DOCK3: variants seen among roughly 807,000 people sequenced by gnomAD.
The protein encoded by DOCK3 is dedicator of cytokinesis protein 3.
In DOCK3, 60 loss-of-function variants were observed where a neutral mutation model predicts 265.6. The ratio of observed to expected loss-of-function variants is 0.23; its 90% confidence interval spans 0.18 to 0.28. The LOEUF (loss-of-function observed/expected upper bound fraction) is 0.28. Among genes scored for constraint, DOCK3 ranks in the 10% least tolerant of loss-of-function variants. The probability of loss-of-function intolerance (pLI) is 1.00; values close to 1 mark genes in which losing one functional copy is unlikely to be tolerated. For synonymous variants in DOCK3, 881 were observed against 938.0 expected, an observed-to-expected ratio of 0.94 and a Z score of 1.11; for missense variants, 1,981 against 2,594.3, an observed-to-expected ratio of 0.76 and a Z score of 5.14.
intron 5 of DOCK3, among the ~76,000 whole-genome samples, chr3:51,044,496 G>T (rs902029039): frequency 6.6e-6 from 1 of 151,712 alleles, no homozygotes; most frequent in Non-Finnish European, 1.5e-5. Flanking sequence ...CTTAATACTT[G>T]GGTGATGAAA....
chr3:50,782,289 A>ATTTTTTTTTTTTTTT (rs71084112), intron 2 of DOCK3, among the ~76,000 whole-genome samples: 1 of 110,044 alleles, frequency 9.1e-6, no homozygotes, highest in Non-Finnish European at 1.7e-5. Flanking sequence ...AGTACCTGTT[A>ATTTTTTTTTTTTTTT]TTTTTTTTTT....
At chr3:51,203,385 G>A (rs1317720106) in intron 12 of DOCK3, among the ~76,000 whole-genome samples, 2 of 152,156 alleles carry the variant, frequency 1.3e-5, no homozygotes, top group African/African-American at 4.8e-5. Context: ...CAGACAGAGA[G>A]CCAAATCATG....
chr3:51,328,281 C>T (rs1206079028), intron 32 of DOCK3, among the ~76,000 whole-genome samples: 3 of 152,152 alleles, frequency 2.0e-5, no homozygotes, highest in African/African-American at 7.2e-5. Flanking sequence ...GTTCTGAAGG[C>T]ACAATCTACC....
chr3:50,898,949 T>A (rs544597384), intron 4 of DOCK3, among the ~76,000 whole-genome samples: 87 of 152,216 alleles, frequency 5.7e-4, no homozygotes, highest in Non-Finnish European at 1.1e-3. Flanking sequence ...GGAATGTATA[T>A]TCTGTTGATT....
chr3:51,174,420 G>T (rs2086839985), intron 12 of DOCK3, among the ~76,000 whole-genome samples: 1 of 152,220 alleles, frequency 6.6e-6, no homozygotes, highest in Admixed American at 6.5e-5. Flanking sequence ...AGTGAGCTGA[G>T]ATCATGCCAC....
At chr3:51,173,468 T>G (rs906534794) in intron 12 of DOCK3, among the ~76,000 whole-genome samples, 2 of 152,242 alleles carry the variant, frequency 1.3e-5, no homozygotes, top group African/African-American at 4.8e-5. Context: ...TTAGTGTTCT[T>G]GTATTTCAGC....
chr3:50,915,957 A>G (rs1199120427), intron 4 of DOCK3, among the ~76,000 whole-genome samples: 1 of 151,932 alleles, frequency 6.6e-6, no homozygotes, highest in Non-Finnish European at 1.5e-5. Flanking sequence ...ATATCCAGCC[A>G]TAGATTTGGG....
chr3:50,788,748 T>C (rs1364432049), intron 2 of DOCK3, among the ~76,000 whole-genome samples: 1 of 133,110 alleles, frequency 7.5e-6, no homozygotes, highest in South Asian at 2.8e-4. Context: ...TCCTTCTGAG[T>C]GCCTGAGGGC....
At chr3:51,135,128 A>G (rs979839401) in intron 9 of DOCK3, among the ~76,000 whole-genome samples, 1 of 152,160 alleles carries the variant, frequency 6.6e-6, no homozygotes, top group African/African-American at 2.4e-5. Context: ...TTTTCTGTTC[A>G]CGTATGTGTT....
intron 4 of DOCK3, among the ~76,000 whole-genome samples, chr3:50,926,247 A>T (rs1324600199): frequency 6.6e-6 from 1 of 152,164 alleles, no homozygotes. Context: ...ACCAATTTTT[A>T]TATATCCATT....
At chr3:51,244,614 A>G (rs1278370358) in intron 21 of DOCK3, among the ~76,000 whole-genome samples, 1 of 152,214 alleles carries the variant, frequency 6.6e-6, no homozygotes, top group East Asian at 1.9e-4. Flanking sequence ...ATATAAGATT[A>G]TATCATTTGA....
At position 50,787,893 on chromosome 3, in the gene DOCK3, T is replaced by G. The variant is rs1192522964; in HGVS notation, c.121+9135T>G. The G allele has an allele frequency of 5.7e-6, 6 of 1,061,108 alleles. No individual in the cohort carries two copies. In the African/African-American group the frequency reaches 9.3e-5, roughly 16 times the overall value. 65.7% of individuals were successfully genotyped at this position (1,061,108 alleles called of 1,614,324 possible). A position where few individuals can be genotyped will look rare whatever the true frequency, so the allele number is the denominator to read the frequency against. On this transcript the variant is annotated intron_variant, in intron 2 of 52. Coordinates refer to ENST00000266037, the MANE Select transcript of DOCK3 (RefSeq NM_004947.5). ...GTACCCTTTTCCCCTTTAGGTACAT[T>G]TAATGTTTGATTATTAAGGTTTACC...
chr3:50,856,625 T>C (rs1302887239), intron 3 of DOCK3, among the ~76,000 whole-genome samples: 1 of 152,192 alleles, frequency 6.6e-6, no homozygotes, highest in African/African-American at 2.4e-5. Context: ...AAAAATTCTG[T>C]AGGTTGTCTG....
chr3:50,830,689 G>A (rs17051468), intron 2 of DOCK3, among the ~76,000 whole-genome samples: 10,902 of 152,168 alleles, frequency 0.072, 978 homozygotes, highest in East Asian at 0.33. Flanking sequence ...CAGCTTCTCT[G>A]TCAGTACCAA....
intron 5 of DOCK3, among the ~76,000 whole-genome samples, chr3:50,971,887 G>A (rs533255206): frequency 6.6e-6 from 1 of 152,288 alleles, no homozygotes; most frequent in Admixed American, 6.5e-5. Flanking sequence ...ACTGGCAAGG[G>A]GAGCTCCTGG....
intron 2 of DOCK3, among the ~76,000 whole-genome samples, chr3:50,786,416 G>T (rs967172285): frequency 1.1e-4 from 17 of 152,130 alleles, no homozygotes; most frequent in African/African-American, 4.1e-4. Context: ...TATTTCCTTA[G>T]ATCTGTTGTT....
intron 1 of DOCK3, among the ~76,000 whole-genome samples, chr3:50,739,034 G>A (rs1187600041): frequency 6.6e-6 from 1 of 152,064 alleles, no homozygotes; most frequent in East Asian, 1.9e-4. Context: ...CTGTACTAAT[G>A]TTTTGGGTCA....
At chr3:51,174,319 A>G (rs1329181569) in intron 12 of DOCK3, among the ~76,000 whole-genome samples, 1 of 152,088 alleles carries the variant, frequency 6.6e-6, no homozygotes, top group African/African-American at 2.4e-5. Context: ...AAATACAAAA[A>G]TTAGCCAGGT....
At chr3:50,792,677 A>G (rs925202314) in intron 2 of DOCK3, among the ~76,000 whole-genome samples, 8 of 152,204 alleles carry the variant, frequency 5.3e-5, no homozygotes, top group Non-Finnish European at 8.8e-5. Flanking sequence ...CCTTTTCTGC[A>G]TCTGTTGAGA....
Sources: allele counts gnomAD v4.1 joint callset (sites outside exome capture counted in the v4.1 genomes callset), GRCh38; gene constraint gnomAD v4.1.1; transcripts MANE v1.5; gene names NCBI Gene and HGNC (gene_info 2026-07-23, HGNC 2026-07-21).